YLPM1: variants seen among roughly 807,000 people sequenced by gnomAD.
YLPM1 encodes YLP motif-containing protein 1.
Under a neutral mutation model 230.0 loss-of-function variants are expected in YLPM1, and 99 were observed. The ratio of observed to expected loss-of-function variants is 0.43; its 90% CI spans 0.37 to 0.51. The LOEUF (loss-of-function observed/expected upper bound fraction) is 0.51. YLPM1 is among the 20% of genes least tolerant of loss of function. The probability of loss-of-function intolerance (pLI) is 0.00; values close to 1 mark genes in which losing one functional copy is unlikely to be tolerated. For missense variants in YLPM1, 2,592 were observed against 2,707.7 expected (o/e 0.96, Z 0.95); for synonymous variants, 984 against 942.5 (o/e 1.04, Z -0.81).
chr14:74,801,849 A>G (rs1411765895), intron 5 of YLPM1, among the ~76,000 whole-genome samples: 1 of 152,192 alleles, frequency 6.6e-6, no homozygotes, highest in Non-Finnish European at 1.5e-5. Flanking sequence ...CTGATGTGAA[A>G]GCCACATTTT....
intron 4 of YLPM1, among the ~76,000 whole-genome samples, chr14:74,784,801 C>T (rs1388648948): frequency 6.6e-6 from 1 of 152,216 alleles, no homozygotes; most frequent in African/African-American, 2.4e-5. Flanking sequence ...CTCCCTCACC[C>T]TACCTCACCC....
chr14:74,831,426 C>T (rs1184910213), intron 19 of YLPM1, among the ~76,000 whole-genome samples: 2 of 152,178 alleles, frequency 1.3e-5, no homozygotes, highest in Non-Finnish European at 2.9e-5. Context: ...AGGCTGGAGC[C>T]AACAGAGGCA....
chr14:74,823,505 T>G (rs2091539271), intron 17 of YLPM1, among the ~76,000 whole-genome samples: 1 of 152,128 alleles, frequency 6.6e-6, no homozygotes, highest in Non-Finnish European at 1.5e-5. Context: ...GGGAGTGACT[T>G]TGAAATAAGC....
intron 1 of YLPM1, among the ~76,000 whole-genome samples, chr14:74,777,858 C>T (rs1404160983): frequency 6.6e-6 from 1 of 151,916 alleles, no homozygotes; most frequent in South Asian, 2.1e-4. Flanking sequence ...GCCTACGAAC[C>T]CAGCTGCTCA....
chr14:74,785,987 T>C (rs1566744820), intron 4 of YLPM1, among the ~76,000 whole-genome samples: 1 of 152,148 alleles, frequency 6.6e-6, no homozygotes, highest in East Asian at 1.9e-4. Context: ...ACCTTTTTTT[T>C]CACATATAAT....
intron 4 of YLPM1, among the ~76,000 whole-genome samples, chr14:74,790,185 A>G (rs1433100494): frequency 1.3e-5 from 2 of 152,124 alleles, no homozygotes; most frequent in Non-Finnish European, 2.9e-5. Context: ...TTAGGATTGG[A>G]ATTGTGGACT....
At chr14:74,816,297 T>C in intron 12 of YLPM1, 32 bp downstream of exon 12, 1 of 1,591,534 alleles carries the variant, frequency 6.3e-7, no homozygotes, top group Non-Finnish European at 8.6e-7. Context: ...AATCAGCTGC[T>C]TGTGCTGCTT....
At position 74,781,365 on chromosome 14, in the gene YLPM1, A is replaced by G. The variant is rs1356254336; in HGVS notation, c.1322A>G (p.Tyr441Cys). 7 of 1,577,948 alleles carry G rather than the reference A, an allele frequency of 4.4e-6. No homozygotes were observed. Among genetic ancestry groups the G allele is most frequent in the African/African-American group, 1.4e-5 (1 of 74,046 alleles). The change falls in exon 4 of 21, where the codon TAT becomes TGT. Residue 441 changes from tyrosine to cysteine, a missense_variant. Tyr to Cys is a radical substitution (Grantham distance 194). Coordinates refer to ENST00000325680, the MANE Select transcript of YLPM1 (RefSeq NM_019589.3). ...TMSVDMQLRH[Y>C]EMQQQQFQHL... Reference sequence around the variant, plus strand: ...TCTGTAGATATGCAGCTGCGGCATTATGAGATGCAGCAGCAACAGTTTCAA... The same window carrying G: ...TCTGTAGATATGCAGCTGCGGCATTGTGAGATGCAGCAGCAACAGTTTCAA...
intron 6 of YLPM1, among the ~76,000 whole-genome samples, chr14:74,808,623 T>C (rs1452304719): frequency 6.6e-6 from 1 of 151,916 alleles, no homozygotes; most frequent in Non-Finnish European, 1.5e-5. Context: ...ACCAACATAG[T>C]GAAACCCCAT....
Position 74,802,657 on chromosome 14 carries a change from C to T in YLPM1, c.4502C>T (p.Ser1501Leu), listed in dbSNP as rs754861222. The T allele has an allele frequency of 1.2e-6, 2 of 1,612,256 alleles. No homozygotes were observed. Among genetic ancestry groups the T allele is most frequent in the East Asian group, 2.2e-5 (1 of 44,750 alleles). Reference sequence around the variant, plus strand: ...GAATCAAGATTGCAGAATACATCTTCAAGACCTGGAATGTATCCGGTATGG... The same window carrying T: ...GAATCAAGATTGCAGAATACATCTTTAAGACCTGGAATGTATCCGGTATGG... ...PQESRLQNTS[S>L]RPGMYPPPGS... Residue 1501 changes from serine to leucine, a missense_variant, in exon 6 of 21, where the codon TCA becomes TTA. Around this residue, in one of 4 missense-constraint regions of YLPM1, gnomAD observed 403 missense variants for 426.7 expected, o/e 0.94. Coordinates refer to ENST00000325680, the MANE Select transcript of YLPM1 (RefSeq NM_019589.3).
At chr14:74,785,179 C>CAACAAAAGTCTTTTG (rs1566744429) in intron 4 of YLPM1, among the ~76,000 whole-genome samples, 8 of 151,922 alleles carry the variant, frequency 5.3e-5, no homozygotes, top group Non-Finnish European at 8.8e-5. Context: ...TTTCTTGTTC[C>CAACAAAAGTCTTTTG]TTTTTCTAAG....
intron 19 of YLPM1, among the ~76,000 whole-genome samples, chr14:74,832,779 C>A (rs2091617217): frequency 6.6e-6 from 1 of 152,072 alleles, no homozygotes; most frequent in Admixed American, 6.5e-5. Context: ...GGCCTAATTC[C>A]AATGTTAAAA....
chr14:74,835,463 CA>C lies in YLPM1; in HGVS notation c.*36+17del. On this transcript the variant is annotated intron_variant, in intron 20 of 20. Coordinates refer to ENST00000325680, the MANE Select transcript of YLPM1 (RefSeq NM_019589.3). ...TTCCTCTAAGGTAAGAGTACACAGT[CA>C]TATAAATAGCCTACTGTGTGGTTGC... 1 of 1,590,068 alleles carries C rather than the reference CA, an allele frequency of 6.3e-7. No homozygotes were observed. Among genetic ancestry groups the C allele is most frequent in the Admixed American group, 1.7e-5 (1 of 57,310 alleles).
At chr14:74,779,486 GT>G (rs1176634779) in intron 2 of YLPM1, among the ~76,000 whole-genome samples, 1 of 152,042 alleles carries the variant, frequency 6.6e-6, no homozygotes, top group Non-Finnish European at 1.5e-5. Flanking sequence ...CACATGGGAG[GT>G]TCTCATATTG....
intron 19 of YLPM1, among the ~76,000 whole-genome samples, chr14:74,830,264 C>T (rs1280266182): frequency 6.6e-6 from 1 of 152,002 alleles, no homozygotes; most frequent in Non-Finnish European, 1.5e-5. Context: ...TACAGTACAG[C>T]ATATATAGGC....
At chr14:74,827,458 A>G (rs1358360037) in intron 18 of YLPM1, 2 of 985,294 alleles carry the variant, frequency 2.0e-6, no homozygotes, top group African/African-American at 3.5e-5. Context: ...CAAATTAAAC[A>G]TTTCAAAAAG....
chr14:74,766,357 C>T (rs905789249), intron 1 of YLPM1, among the ~76,000 whole-genome samples: 1 of 151,990 alleles, frequency 6.6e-6, no homozygotes, highest in South Asian at 2.1e-4. Flanking sequence ...AATTTCTTAT[C>T]GTGAAATATT....
intron 11 of YLPM1, among the ~76,000 whole-genome samples, chr14:74,814,189 G>C (rs10873273): frequency 0.35 from 53,891 of 151,970 alleles, 11,531 homozygotes; most frequent in East Asian, 0.54. Flanking sequence ...GTGAAACCCC[G>C]TCTGTACTAA....
rs1322044246 is a variant in YLPM1, at chr14:74,782,116, A to G, written c.2073A>G (p.Ser691=). 1 of 1,613,764 alleles carries G rather than the reference A, an allele frequency of 6.2e-7. No homozygotes were observed. Among genetic ancestry groups the G allele is most frequent in the Admixed American group, 1.7e-5 (1 of 60,012 alleles). ...CAACTTACCATCCTCCGTTGCAATC[A>G]GCTGGTCCATCAGAACAAGTGAATT... ...PPTTYHPPLQ[S]AGPSEQVNSK... The change falls in exon 4 of 21, where the codon TCA becomes TCG. Residue 691 remains serine, a synonymous_variant. Transcript: ENST00000325680.
Sources: allele counts gnomAD v4.1 joint callset (sites outside exome capture counted in the v4.1 genomes callset), GRCh38; gene constraint gnomAD v4.1.1; regional missense constraint gnomAD v4.1.1; transcripts MANE v1.5; gene names NCBI Gene and HGNC (gene_info 2026-07-23, HGNC 2026-07-21).